The following CAPN9 variants were observed in gnomAD, a reference collection of about 807,000 sequenced individuals.
The protein encoded by CAPN9 is calpain 9.
CAPN9 carries 81 observed loss-of-function variants against 92.8 expected under a neutral mutation model. The ratio of observed to expected loss-of-function variants is 0.87; its 90% CI spans 0.73 to 1.05. CAPN9 has a LOEUF of 1.05. CAPN9 is among the 50% of genes least tolerant of loss of function. The pLI is 0.00. For missense variants in CAPN9, 848 were observed against 866.2 expected (o/e 0.98, Z 0.26); for synonymous variants, 304 against 328.0 (o/e 0.93, Z 0.79).
At chr1:230,772,553 C>G (rs981883797) in intron 7 of CAPN9, among the ~76,000 whole-genome samples, 1 of 152,080 alleles carries the variant, frequency 6.6e-6, no homozygotes, top group African/African-American at 2.4e-5. Context: ...TGGTCACTGA[C>G]CATGGCAGAG....
intron 19 of CAPN9, among the ~76,000 whole-genome samples, chr1:230,799,563 T>C (rs572258523): frequency 9.2e-5 from 14 of 152,342 alleles, no homozygotes; most frequent in African/African-American, 2.9e-4. Context: ...ACTTCATAAA[T>C]AGTATCTCAA....
chr1:230,783,189 G>A (rs1461323506), intron 11 of CAPN9, among the ~76,000 whole-genome samples: 1 of 152,202 alleles, frequency 6.6e-6, no homozygotes, highest in Non-Finnish European at 1.5e-5. Context: ...CTGTTTATGC[G>A]TCTTTGGAGG....
chr1:230,773,447 G>T (rs1450368634), intron 7 of CAPN9, among the ~76,000 whole-genome samples: 2 of 152,134 alleles, frequency 1.3e-5, no homozygotes, highest in Non-Finnish European at 2.9e-5. Flanking sequence ...GGGAAAATGG[G>T]CCATTGTCTC....
At chr1:230,796,138 T>C (rs1401636958) in intron 18 of CAPN9, among the ~76,000 whole-genome samples, 2 of 150,878 alleles carry the variant, frequency 1.3e-5, no homozygotes, top group African/African-American at 4.9e-5. Flanking sequence ...CGAGACCAGC[T>C]CATAGCGAAA....
At chr1:230,767,462 G>C (rs568824112) in intron 4 of CAPN9, 79 bp from the exon 5 acceptor site, 1 of 1,218,764 alleles carries the variant, frequency 8.2e-7, no homozygotes, top group African/African-American at 1.5e-5. Flanking sequence ...GGCTTAGTTA[G>C]AAAAGCTCTG....
chr1:230,771,659 T>A (rs1666393747), intron 6 of CAPN9, among the ~76,000 whole-genome samples: 1 of 152,230 alleles, frequency 6.6e-6, no homozygotes, highest in South Asian at 2.1e-4. Context: ...TGCCTAAGAC[T>A]TGGCTCCTGC....
intron 19 of CAPN9, among the ~76,000 whole-genome samples, chr1:230,800,231 GAAGAAAGAAAGAAAGA>G (rs56677043): frequency 0.018 from 924 of 51,448 alleles, 16 homozygotes; most frequent in South Asian, 0.031. Context: ...AAGAAAGAAA[GAAGAAAGAAAGAAAGA>G]AAGAAAGAAA....
chr1:230,749,653 T>G (rs12059171), intron 1 of CAPN9, among the ~76,000 whole-genome samples: 10,752 of 152,260 alleles, frequency 0.071, 438 homozygotes, highest in South Asian at 0.15. Flanking sequence ...GATGCTCATG[T>G]TCTCTACAGG....
chr1:230,787,716 G>A, intron 13 of CAPN9, 114 bp downstream of exon 13: 1 of 850,000 alleles, frequency 1.2e-6, no homozygotes, highest in East Asian at 2.5e-5. Flanking sequence ...GCATGATGGA[G>A]CTTGTTGCAA....
Position 230,779,098 on chromosome 1 carries a change from G to T in CAPN9, c.1079G>T (p.Arg360Leu). Residue 360 changes from arginine to leucine, a missense_variant, in exon 9 of 20, where the codon CGC (arginine) becomes CTC (leucine). Arg to Leu is a moderately radical substitution (Grantham distance 102). Transcript: ENST00000271971. ...ACGGTCCATCAGGGAAGCTGGGTTC[G>T]CGGCTCCACGGCTGGGGGCTGCCGC... ...EVTVHQGSWV[R>L]GSTAGGCRNF... The T allele has an allele frequency of 6.2e-7, 1 of 1,612,898 alleles. No homozygotes were observed. Among genetic ancestry groups the T allele is most frequent in the Non-Finnish European group, 8.5e-7 (1 of 1,179,918 alleles).
At chr1:230,764,108 G>T (rs1187981505) in intron 4 of CAPN9, among the ~76,000 whole-genome samples, 2 of 152,238 alleles carry the variant, frequency 1.3e-5, no homozygotes, top group Admixed American at 6.5e-5. Flanking sequence ...TTAGTTTTAT[G>T]TGTCAACTTG....
At chr1:230,753,836 G>C (rs939716795) in intron 1 of CAPN9, among the ~76,000 whole-genome samples, 1 of 144,156 alleles carries the variant, frequency 6.9e-6, no homozygotes, top group African/African-American at 2.5e-5. Context: ...AGACCGGCCC[G>C]GCTTCCTCCC....
Position 230,779,145 on chromosome 1 carries a change from G to A in CAPN9, c.1114+12G>A. On this transcript the variant is annotated intron_variant, in intron 9 of 19. Coordinates refer to ENST00000271971, the MANE Select transcript of CAPN9 (RefSeq NM_006615.3). ...CCGCAATTTCCTGGGTAGGTAGGCT[G>A]CCTGTCACTCTCTCTGCCACTCCCA... 1.2e-6 allele frequency: 2 copies of A among 1,611,302 alleles called. No individual in the cohort carries two copies. The highest frequency in any genetic ancestry group is 1.7e-6 in the Non-Finnish European group (2 of 1,179,396).
intron 18 of CAPN9, among the ~76,000 whole-genome samples, chr1:230,796,713 G>C (rs1668382949): frequency 6.6e-6 from 1 of 152,140 alleles, no homozygotes; most frequent in Non-Finnish European, 1.5e-5. Context: ...AGACTTACAG[G>C]GTGGTCAGAG....
At chr1:230,784,378 C>A (rs921791058) in intron 11 of CAPN9, among the ~76,000 whole-genome samples, 8 of 152,194 alleles carry the variant, frequency 5.3e-5, no homozygotes, top group African/African-American at 1.9e-4. Flanking sequence ...ATTTTAGAGA[C>A]CTTTGCAGCA....
chr1:230,781,161 G>T (rs1418352908), intron 11 of CAPN9, among the ~76,000 whole-genome samples: 2 of 152,232 alleles, frequency 1.3e-5, no homozygotes, highest in Non-Finnish European at 2.9e-5. Context: ...GAGCCACCAC[G>T]CCAGGCTGCA....
intron 1 of CAPN9, among the ~76,000 whole-genome samples, chr1:230,753,392 G>A (rs1664975985): frequency 6.6e-6 from 1 of 152,162 alleles, no homozygotes; most frequent in Non-Finnish European, 1.5e-5. Context: ...CTGGGCAGGC[G>A]CCCCTGGTGT....
intron 1 of CAPN9, among the ~76,000 whole-genome samples, chr1:230,751,755 G>T (rs924327212): frequency 6.6e-6 from 1 of 151,000 alleles, no homozygotes; most frequent in East Asian, 2.0e-4. Flanking sequence ...GCTGAGCCCC[G>T]ATGATGTACA....
chr1:230,747,961 C>T (rs531988380), intron 1 of CAPN9, among the ~76,000 whole-genome samples: 1 of 152,118 alleles, frequency 6.6e-6, no homozygotes, highest in African/African-American at 2.4e-5. Flanking sequence ...TGACTCCCAC[C>T]GAGGCTGAGG....
Sources: gnomAD v4.1 joint callset for allele counts (sites outside exome capture counted in the v4.1 genomes callset) on GRCh38, gnomAD v4.1.1 for gene constraint, MANE v1.5 for transcripts, NCBI Gene and HGNC (gene_info 2026-07-23, HGNC 2026-07-21) for gene names.